Variants in ZC2HC1B observed in about 807,000 individuals in gnomAD.
ZC2HC1B encodes the protein zinc finger C2HC-type containing 1B.
In ZC2HC1B, 36 loss-of-function variants were observed where a neutral mutation model predicts 31.0. The observed-to-expected ratio is 1.16, with a 90% CI of 0.89 to 1.54. The LOEUF is 1.54. Ranked by LOEUF, ZC2HC1B falls within the 40% of genes most tolerant of loss-of-function variation. The pLI is 0.00. For synonymous variants in ZC2HC1B, 73 were observed against 88.0 expected (o/e 0.83, Z 0.95); for missense variants, 260 against 268.6 (o/e 0.97, Z 0.22).
rs2128494210 is a variant in ZC2HC1B, at chr6:143,888,718, G to A, written c.349+1897G>A. ...ATTTTTAGTGTATAAAAATATAATG[G>A]ATCTTTGTATGTTGACTTTGTATCC... On this transcript the variant is annotated intron_variant, in intron 4 of 7. Coordinates refer to ENST00000237275, the MANE Select transcript of ZC2HC1B (RefSeq NM_001013623.3). 1.3e-5 allele frequency among the ~76,000 whole-genome samples: 2 copies of A among 151,868 alleles called. 1 individual carries two copies. Among genetic ancestry groups the A allele is most frequent in the South Asian group, 4.2e-4 (2 of 4,814 alleles).
intron 6 of ZC2HC1B, among the ~76,000 whole-genome samples, chr6:143,919,550 G>A (rs552904043): frequency 4.6e-5 from 7 of 152,032 alleles, no homozygotes; most frequent in Non-Finnish European, 7.4e-5. Flanking sequence ...AACAACAATG[G>A]CCACCTGCCT....
chr6:143,928,888 A>C (rs1433411696), intron 6 of ZC2HC1B, among the ~76,000 whole-genome samples: 5 of 138,708 alleles, frequency 3.6e-5, no homozygotes, highest in Non-Finnish European at 6.2e-5. Context: ...TTTGGTTCTT[A>C]GCATGATTAT....
At chr6:143,929,655 C>A (rs887814659) in intron 6 of ZC2HC1B, among the ~76,000 whole-genome samples, 1 of 152,140 alleles carries the variant, frequency 6.6e-6, no homozygotes, top group Admixed American at 6.5e-5. Context: ...GGTAGCACTT[C>A]TTTTATGTCT....
chr6:143,865,196 T>G lies in ZC2HC1B; in HGVS notation c.28+629T>G, dbSNP rs145656622. Among the ~76,000 whole-genome samples, 42 of 152,340 alleles carry G rather than the reference T, an allele frequency of 2.8e-4. 1 individual carries two copies. The East Asian group carries it at 8.1e-3, about 29-fold the overall frequency. On this transcript the variant is annotated intron_variant, in intron 1 of 7. Coordinates refer to ENST00000237275, the MANE Select transcript of ZC2HC1B (RefSeq NM_001013623.3). The surrounding 1 kb of genome is among the most constrained non-coding windows in gnomAD (Gnocchi z 4.4). Reference sequence around the variant, plus strand: ...CTGATATCTTGGTTCTCTAAAAATCTATAAATGATGATTGGGAACTGAACA... The same window carrying G: ...CTGATATCTTGGTTCTCTAAAAATCGATAAATGATGATTGGGAACTGAACA...
At chr6:143,937,574 A>G in intron 6 of ZC2HC1B, 75 bp from the exon 7 acceptor site, 1 of 1,290,954 alleles carries the variant, frequency 7.7e-7, no homozygotes, top group Non-Finnish European at 1.0e-6. Context: ...CCATGTGGGG[A>G]TTTCACAATC....
rs1562344294 is a variant in ZC2HC1B, at chr6:143,907,275, A to G, written c.598+4123A>G. Among the ~76,000 whole-genome samples the G allele has an allele frequency of 2.0e-5, 3 of 152,184 alleles. No individual in the cohort carries two copies. In the South Asian group the frequency reaches 6.2e-4, roughly 31 times the overall value. ...ATGTATCTTTATAATAGAATAATTT[A>G]TATTCCTTTGGGTATATACCCAGTA... On this transcript the variant is annotated intron_variant, in intron 6 of 7. Transcript: ENST00000237275.
chr6:143,898,700 C>G lies in ZC2HC1B; in HGVS notation c.489+9C>G. ...TGGCATCCAGAGCTCAGGTAACTAT[C>G]TCTCCCCAGGTGTTGGCTCTTGTGC... On this transcript the variant is annotated intron_variant, in intron 5 of 7. Coordinates refer to ENST00000237275, the MANE Select transcript of ZC2HC1B (RefSeq NM_001013623.3). 6.4e-7 allele frequency: 1 copy of G among 1,552,044 alleles called. No homozygotes were observed. The highest frequency in any genetic ancestry group is 8.7e-7 in the Non-Finnish European group (1 of 1,147,032).
Position 143,933,824 on chromosome 6 carries a change from C to T in ZC2HC1B, c.599-3825C>T, listed in dbSNP as rs1008054715. 2.0e-5 allele frequency among the ~76,000 whole-genome samples: 3 copies of T among 152,216 alleles called. No homozygotes were observed. Among genetic ancestry groups the T allele is most frequent in the African/African-American group, 7.2e-5 (3 of 41,454 alleles). On this transcript the variant is annotated intron_variant, in intron 6 of 7. Transcript: ENST00000237275. The surrounding 1 kb of genome is among the most constrained non-coding windows in gnomAD (Gnocchi z 6.4). ...TCTGCCACACTGTCAGCCGCATCTC[C>T]ACTGTGCTTTCTGCAACAGTTCCTG...
Position 143,898,602 on chromosome 6 carries a change from GAGCGACATACT to G in ZC2HC1B, c.402_412del (p.Arg135PhefsTer12). The G allele has an allele frequency of 6.4e-7, 1 of 1,551,838 alleles. No homozygotes were observed. The highest frequency in any genetic ancestry group is 8.7e-7 in the Non-Finnish European group (1 of 1,147,000). On this transcript the variant is annotated frameshift_variant, in exon 5 of 8. Coordinates refer to ENST00000237275, the MANE Select transcript of ZC2HC1B (RefSeq NM_001013623.3). LOFTEE classifies it high-confidence loss of function. ...GAGAAGGTTTAATGAAAGCGCAGCT[GAGCGACATACT>G]AATTTCTGCAAGGATCAGTCTTCTC... is the stretch of plus-strand genomic sequence containing the variant.
chr6:143,907,445 A>AT (rs767134919), intron 6 of ZC2HC1B, among the ~76,000 whole-genome samples: 2 of 152,010 alleles, frequency 1.3e-5, no homozygotes, highest in African/African-American at 4.8e-5. Context: ...AGCATCTGTT[A>AT]TTTTTTAACT....
chr6:143,866,895 ATT>A (rs987941509), intron 1 of ZC2HC1B, among the ~76,000 whole-genome samples: 1 of 152,032 alleles, frequency 6.6e-6, no homozygotes, highest in African/African-American at 2.4e-5. Context: ...CCTTGATTTC[ATT>A]TCACTCTTTC....
chr6:143,927,050 G>A (rs1010638042), intron 6 of ZC2HC1B, among the ~76,000 whole-genome samples: 7 of 149,852 alleles, frequency 4.7e-5, no homozygotes, highest in Non-Finnish European at 8.9e-5. Flanking sequence ...CACCCGCCTC[G>A]GCCTCCCAAA....
chr6:143,912,501 A>G (rs1340200821), intron 6 of ZC2HC1B, among the ~76,000 whole-genome samples: 1 of 152,290 alleles, frequency 6.6e-6, no homozygotes, highest in Middle Eastern at 3.4e-3. Flanking sequence ...CAACTCATCC[A>G]TAGGGCTGCT....
rs559945685 is a variant in ZC2HC1B at position 143,924,351 on chromosome 6, A to T, written c.599-13298A>T. ...GTTTTTGGTGGAGTCTTTAGGTTTTATATATATATATATGTATTACATATA... is the reference window on the plus strand; with the variant it reads ...GTTTTTGGTGGAGTCTTTAGGTTTTTTATATATATATATGTATTACATATA... On this transcript the variant is annotated intron_variant, in intron 6 of 7. Coordinates refer to ENST00000237275, the MANE Select transcript of ZC2HC1B (RefSeq NM_001013623.3). This position sits in a 1 kb window ranked among gnomAD's most constrained non-coding sequence, Gnocchi z 5.2. Among the ~76,000 whole-genome samples, 12 of 149,654 alleles carry T rather than the reference A, an allele frequency of 8.0e-5. No individual in the cohort carries two copies. The highest frequency in any genetic ancestry group is 6.5e-4 in the South Asian group (3 of 4,592).
intron 6 of ZC2HC1B, among the ~76,000 whole-genome samples, chr6:143,925,138 CT>C (rs1251770014): frequency 1.7e-5 from 2 of 115,914 alleles, no homozygotes; most frequent in Non-Finnish European, 3.7e-5. Context: ...TGTTGGGAGA[CT>C]TTTTATTACT....
intron 6 of ZC2HC1B, among the ~76,000 whole-genome samples, chr6:143,935,310 G>A (rs1011334165): frequency 7.2e-5 from 11 of 152,158 alleles, no homozygotes; most frequent in African/African-American, 2.4e-4. Flanking sequence ...AGAAGCACTG[G>A]TGGGCATGAC....
At chr6:143,920,919 A>G (rs897461201) in intron 6 of ZC2HC1B, among the ~76,000 whole-genome samples, 4 of 152,060 alleles carry the variant, frequency 2.6e-5, no homozygotes, top group Non-Finnish European at 5.9e-5. Flanking sequence ...AAAAAAAAAA[A>G]AAAAAGGTTG....
At position 143,924,722 on chromosome 6, in the gene ZC2HC1B, G is replaced by T. The variant is rs922868131; in HGVS notation, c.599-12927G>T. Among the ~76,000 whole-genome samples, 2 of 152,186 alleles carry T rather than the reference G, an allele frequency of 1.3e-5. No homozygotes were observed. Among genetic ancestry groups the T allele is most frequent in the Admixed American group, 6.5e-5 (1 of 15,270 alleles). ...TTGTTAAGAGTTTTAATCATGAAAA[G>T]AAGTTGAATTTTATAAAATTCCTTT... On this transcript the variant is annotated intron_variant, in intron 6 of 7. Coordinates refer to ENST00000237275, the MANE Select transcript of ZC2HC1B (RefSeq NM_001013623.3). The surrounding 1 kb of genome is among the most constrained non-coding windows in gnomAD (Gnocchi z 5.2).
intron 5 of ZC2HC1B, among the ~76,000 whole-genome samples, chr6:143,898,952 T>A (rs1245172914): frequency 6.6e-6 from 1 of 152,256 alleles, no homozygotes; most frequent in Non-Finnish European, 1.5e-5. Context: ...ACATAGTGTT[T>A]CTATAGCATT....
Sources: gnomAD v4.1 joint callset for allele counts (sites outside exome capture counted in the v4.1 genomes callset) on GRCh38, gnomAD v4.1.1 for gene constraint, Gnocchi (gnomAD v3.1) non-coding constraint, MANE v1.5 for transcripts, NCBI Gene and HGNC (gene_info 2026-07-23, HGNC 2026-07-21) for gene names.